COL26A1: variants seen among roughly 807,000 people sequenced by gnomAD.
The protein encoded by COL26A1 is collagen alpha-1(XXVI) chain.
In COL26A1, 41 loss-of-function variants were observed where a neutral mutation model predicts 59.3. The ratio of observed to expected loss-of-function variants is 0.69; its 90% CI spans 0.54 to 0.90. COL26A1 has a LOEUF of 0.90. Ranked by LOEUF, COL26A1 falls within the 40% of genes least tolerant of loss-of-function variation. The pLI is 0.00. For synonymous variants in COL26A1, 266 were observed against 256.0 expected, an observed-to-expected ratio of 1.04 and a Z score of -0.37; for missense variants, 612 against 602.3, an observed-to-expected ratio of 1.02 and a Z score of -0.17.
chr7:101,547,796 T>C (rs1402139338), intron 8 of COL26A1, among the ~76,000 whole-genome samples: 2 of 144,758 alleles, frequency 1.4e-5, no homozygotes, highest in Non-Finnish European at 2.9e-5. Flanking sequence ...TTCATTCATT[T>C]GTCCATTCAT....
At chr7:101,385,371 A>G (rs767336729) in intron 1 of COL26A1, among the ~76,000 whole-genome samples, 9,179 of 147,518 alleles carry the variant, frequency 0.062, 692 homozygotes, top group African/African-American at 0.16. Context: ...ATGTGTGTAT[A>G]TATATATATA....
In COL26A1 at chr7:101,424,193, C is replaced by T. The variant is rs561848620; in HGVS notation, c.281+4094C>T. 4.0e-5 allele frequency among the ~76,000 whole-genome samples: 6 copies of T among 150,208 alleles called. No homozygotes were observed. The East Asian group carries it at 6.0e-4, about 15-fold the overall frequency. On this transcript the variant is annotated intron_variant, in intron 2 of 12. Coordinates refer to ENST00000313669, the MANE Select transcript of COL26A1 (RefSeq NM_001278563.3). ...TCCAGCCTGGGCGACAGAGCGAGAC[C>T]GTGTCTGAAAATAAATAAATAAATA...
At chr7:101,395,204 A>G (rs554536934) in intron 1 of COL26A1, among the ~76,000 whole-genome samples, 1 of 152,080 alleles carries the variant, frequency 6.6e-6, no homozygotes, top group Non-Finnish European at 1.5e-5. Context: ...TCACTGTCAT[A>G]TGGCTCCGAA....
chr7:101,459,249 C>G (rs891157525), intron 3 of COL26A1, among the ~76,000 whole-genome samples: 1 of 152,136 alleles, frequency 6.6e-6, no homozygotes, highest in African/African-American at 2.4e-5. Context: ...TGGCTCCTTC[C>G]TGCAATTCCT....
chr7:101,455,044 T>A (rs1793436573), intron 3 of COL26A1, among the ~76,000 whole-genome samples: 2 of 55,056 alleles, frequency 3.6e-5, no homozygotes, highest in South Asian at 8.6e-4. Context: ...TCTTTATCTT[T>A]TTTTTTTTTT....
chr7:101,482,811 G>A lies in COL26A1; in HGVS notation c.385+35024G>A, dbSNP rs59966591. Among the ~76,000 whole-genome samples, 529 of 152,264 alleles carry A rather than the reference G, an allele frequency of 3.5e-3. 3 individuals are homozygous for A. The highest frequency in any genetic ancestry group is 0.012 in the African/African-American group (493 of 41,556). ...ATCTCTACTAAAAATACAAAAATTA[G>A]CCAGGCGTGTTGGCACACGCTTGTA... On this transcript the variant is annotated intron_variant, in intron 3 of 12. Transcript: ENST00000313669.
chr7:101,392,166 A>C (rs1485025692), intron 1 of COL26A1, among the ~76,000 whole-genome samples: 6 of 151,994 alleles, frequency 3.9e-5, no homozygotes, highest in Non-Finnish European at 8.8e-5. Flanking sequence ...TTCACTGCAG[A>C]GGTGTGACGG....
At chr7:101,415,156 C>T (rs75826527) in intron 1 of COL26A1, among the ~76,000 whole-genome samples, 107 of 104,652 alleles carry the variant, frequency 1.0e-3, no homozygotes, top group Admixed American at 1.9e-3. Flanking sequence ...TAACCCCCCC[C>T]CTTTTTTTTT....
chr7:101,416,336 G>A (rs1792369793), intron 1 of COL26A1, among the ~76,000 whole-genome samples: 1 of 143,058 alleles, frequency 7.0e-6, no homozygotes, highest in East Asian at 2.0e-4. Flanking sequence ...AGGCTGTGGT[G>A]AGCCATGATC....
intron 1 of COL26A1, among the ~76,000 whole-genome samples, chr7:101,368,926 A>AAC (rs71129616): frequency 3.8e-4 from 58 of 150,956 alleles, no homozygotes; most frequent in African/African-American, 8.5e-4. Context: ...CCAAAAAAAA[A>AAC]AATTCTTTTT....
chr7:101,526,588 G>A (rs2130624153), intron 3 of COL26A1, among the ~76,000 whole-genome samples: 1 of 152,310 alleles, frequency 6.6e-6, no homozygotes, highest in South Asian at 2.1e-4. Context: ...TGCCCTATCT[G>A]CAAATCCCCT....
At chr7:101,535,784 C>T (rs1160348578) in intron 4 of COL26A1, among the ~76,000 whole-genome samples, 3 of 152,134 alleles carry the variant, frequency 2.0e-5, no homozygotes, top group Admixed American at 6.5e-5. Flanking sequence ...GGAGTCACTT[C>T]GTTTTGAGGC....
At chr7:101,434,573 T>C (rs913488006) in intron 2 of COL26A1, among the ~76,000 whole-genome samples, 1 of 152,008 alleles carries the variant, frequency 6.6e-6, no homozygotes, top group Non-Finnish European at 1.5e-5. Flanking sequence ...GATTTTTTTT[T>C]TTTTAATAAT....
In COL26A1 at chr7:101,462,063, G is replaced by A. The variant is rs4464889; in HGVS notation, c.385+14276G>A. Among the ~76,000 whole-genome samples, 1,172 of 146,306 alleles carry A rather than the reference G, an allele frequency of 8.0e-3. 20 individuals are homozygous for A. Among genetic ancestry groups the A allele is most frequent in the African/African-American group, 0.028 (1,112 of 39,308 alleles). On this transcript the variant is annotated intron_variant, in intron 3 of 12. Transcript: ENST00000313669. The stretch of plus-strand genomic sequence containing the variant: ...TACCCAGGCTGGAGTGCAGTGGTGC[G>A]ATCTTGGCTCACTGCAACCTCTGCT...
intron 4 of COL26A1, 128 bp downstream of exon 4, chr7:101,533,271 C>A: frequency 1.4e-6 from 1 of 707,564 alleles, no homozygotes; most frequent in Non-Finnish European, 2.4e-6. Flanking sequence ...CAGGCTTGGA[C>A]AGCCGGTCCC....
intron 1 of COL26A1, among the ~76,000 whole-genome samples, chr7:101,404,378 A>G (rs570351137): frequency 1.9e-4 from 29 of 152,250 alleles, no homozygotes; most frequent in African/African-American, 6.7e-4. Context: ...CATACTATCA[A>G]GGCGTGAGAA....
chr7:101,363,792 G>C (rs115011360), intron 1 of COL26A1, among the ~76,000 whole-genome samples: 2 of 152,160 alleles, frequency 1.3e-5, no homozygotes, highest in Non-Finnish European at 2.9e-5. Flanking sequence ...GGCTCTGCCC[G>C]GGGCGTTCGG....
chr7:101,395,309 G>T (rs140234363), intron 1 of COL26A1, among the ~76,000 whole-genome samples: 1,728 of 152,328 alleles, frequency 0.011, 21 homozygotes, highest in South Asian at 0.023. Flanking sequence ...CTGATTAAAA[G>T]AAATCTTTCT....
chr7:101,502,060 T>C (rs1794717411), intron 3 of COL26A1, among the ~76,000 whole-genome samples: 1 of 152,214 alleles, frequency 6.6e-6, no homozygotes, highest in Non-Finnish European at 1.5e-5. Flanking sequence ...TTCAAAACTA[T>C]GCTTGAAGGC....
Sources: allele counts gnomAD v4.1 joint callset (sites outside exome capture counted in the v4.1 genomes callset), GRCh38; gene constraint gnomAD v4.1.1; transcripts MANE v1.5; gene names NCBI Gene and HGNC (gene_info 2026-07-23, HGNC 2026-07-21).